BARD1: variants seen among roughly 807,000 people sequenced by gnomAD.
The protein encoded by BARD1 is BRCA1 associated RING domain 1, also known as BRCA1-associated RING domain protein 1.
A neutral mutation model predicts 77.0 loss-of-function variants in BARD1; 73 were observed. The observed-to-expected ratio is 0.95, with a 90% CI of 0.79 to 1.15. BARD1 has a LOEUF of 1.15. BARD1 is among the 50% of genes most tolerant of loss of function. The probability of loss-of-function intolerance (pLI) is 0.00; values close to 1 mark genes in which losing one functional copy is unlikely to be tolerated. For missense variants in BARD1, 993 were observed against 938.8 expected, an observed-to-expected ratio of 1.06 and a Z score of -0.75; for synonymous variants, 384 against 338.0, an observed-to-expected ratio of 1.14 and a Z score of -1.49.
chr2:214,775,174 C>A lies in BARD1; in HGVS notation c.1314+5386G>T, dbSNP rs528795101. On this transcript the variant is annotated intron_variant, in intron 4 of 10. Coordinates refer to ENST00000260947, the MANE Select transcript of BARD1 (RefSeq NM_000465.4). ...TTTTTTCTTTGCATTCACAAATTGG[C>A]TGTTTGGCAAGAGACCTAGCTTTTG... Among the ~76,000 whole-genome samples, 136 of 152,274 alleles carry A rather than the reference C, an allele frequency of 8.9e-4. 1 individual carries two copies. Among genetic ancestry groups the A allele is most frequent in the Non-Finnish European group, 1.4e-3 (97 of 68,010 alleles).
chr2:214,747,309 G>T (rs1398661025), intron 7 of BARD1, among the ~76,000 whole-genome samples: 2 of 149,734 alleles, frequency 1.3e-5, no homozygotes. Flanking sequence ...GATTCCTCAG[G>T]GATCTAGAAC....
At chr2:214,738,718 G>T (rs1559380466) in intron 9 of BARD1, among the ~76,000 whole-genome samples, 1 of 152,126 alleles carries the variant, frequency 6.6e-6, no homozygotes, top group Non-Finnish European at 1.5e-5. Context: ...ATACAATGAA[G>T]ATGGAAGAAA....
intron 4 of BARD1, among the ~76,000 whole-genome samples, chr2:214,775,516 A>C (rs536609332): frequency 3.9e-5 from 6 of 152,376 alleles, no homozygotes; most frequent in African/African-American, 1.4e-4. Flanking sequence ...TCACCGTAAC[A>C]GATACAACAA....
At chr2:214,785,444 C>T (rs1255110799) in intron 3 of BARD1, among the ~76,000 whole-genome samples, 1 of 152,010 alleles carries the variant, frequency 6.6e-6, no homozygotes, top group East Asian at 1.9e-4. Context: ...CAGCCCAGCA[C>T]AGTGGTGAGC....
chr2:214,791,718 C>T (rs1313377526), intron 3 of BARD1, among the ~76,000 whole-genome samples: 1 of 152,112 alleles, frequency 6.6e-6, no homozygotes, highest in Admixed American at 6.6e-5. Flanking sequence ...AAAAGTGATC[C>T]ATGGAAAAAT....
At chr2:214,789,755 C>T (rs1449323900) in intron 3 of BARD1, among the ~76,000 whole-genome samples, 4 of 152,076 alleles carry the variant, frequency 2.6e-5, no homozygotes, top group East Asian at 3.9e-4. Flanking sequence ...TACAGAATAA[C>T]GGGATTAAAG....
rs527987436 is a variant in BARD1 at position 214,785,441 on chromosome 2, G to T, written c.365-3932C>A. Among the ~76,000 whole-genome samples, 44 of 152,124 alleles carry T rather than the reference G, an allele frequency of 2.9e-4. 1 individual carries two copies. In the East Asian group the frequency reaches 4.8e-3, roughly 17 times the overall value. On this transcript the variant is annotated intron_variant, in intron 3 of 10. Coordinates refer to ENST00000260947, the MANE Select transcript of BARD1 (RefSeq NM_000465.4). ...GGTAAAATCAACCCAGCTCAGCCCA[G>T]CACAGTGGTGAGCACATGAATAGAC...
At chr2:214,755,977 C>T (rs1005367512) in intron 6 of BARD1, among the ~76,000 whole-genome samples, 6 of 152,136 alleles carry the variant, frequency 3.9e-5, no homozygotes, top group African/African-American at 7.2e-5. Context: ...GTACCACTTT[C>T]GACAGTCAGT....
At chr2:214,778,954 T>G (rs1198636010) in intron 4 of BARD1, among the ~76,000 whole-genome samples, 1 of 152,104 alleles carries the variant, frequency 6.6e-6, no homozygotes, top group Non-Finnish European at 1.5e-5. Flanking sequence ...GCCAGCAAAA[T>G]GAACAAAAAT....
chr2:214,741,325 A>G (rs923380936), intron 9 of BARD1, among the ~76,000 whole-genome samples: 1 of 152,186 alleles, frequency 6.6e-6, no homozygotes, highest in Admixed American at 6.5e-5. Context: ...TCATAATGAG[A>G]TAAGAAAAGA....
At chr2:214,772,915 C>G (rs1574801219) in intron 4 of BARD1, among the ~76,000 whole-genome samples, 2 of 152,178 alleles carry the variant, frequency 1.3e-5, no homozygotes, top group South Asian at 4.1e-4. Flanking sequence ...CACTTTTGGG[C>G]TCCTCACAAC....
rs151325889 is a variant in BARD1, at chr2:214,781,137, G to T, written c.737C>A (p.Pro246Gln). ...KQKLVSFCSQPSVISSPQING... is the reference protein window; with the variant it reads ...KQKLVSFCSQQSVISSPQING... The stretch of plus-strand genomic sequence containing the variant: ...TATCTGAGGACTGGAGATAACAGAT[G>T]GTTGGCTACAGAAGGATACCAGCTT... The change falls in exon 4 of 11, where the codon CCA (proline) becomes CAA (glutamine). Residue 246 changes from proline to glutamine, a missense_variant. By Grantham distance (76) the Pro-to-Gln change is moderately conservative. Transcript: ENST00000260947. 3.8e-6 allele frequency: 6 copies of T among 1,573,954 alleles called. No individual in the cohort carries two copies. In the African/African-American group the frequency reaches 5.5e-5, roughly 14 times the overall value.
In BARD1 at chr2:214,728,986, C is replaced by T. The variant is rs2105987963; in HGVS notation, c.2024G>A (p.Cys675Tyr). The T allele has an allele frequency of 6.2e-7, 1 of 1,614,120 alleles. No individual in the cohort carries two copies. Among genetic ancestry groups the T allele is most frequent in the East Asian group, 2.2e-5 (1 of 44,890 alleles). ...GAAGGTTCCCCACAAATAGAAGTAG[C>T]ATCCATCAAACAGCTTTGGCAACTG... Reference protein sequence around the residue: ...EQLLPKLFDGCYFYLWGTFKH... With the variant: ...EQLLPKLFDGYYFYLWGTFKH... The change falls in exon 11 of 11, where the codon TGC (cysteine) becomes TAC (tyrosine). Residue 675 changes from cysteine (C) to tyrosine (Y), a missense_variant. Physicochemically the swap from Cys to Tyr is radical, Grantham distance 194. Transcript: ENST00000260947.
At chr2:214,739,834 A>G (rs1692733964) in intron 9 of BARD1, among the ~76,000 whole-genome samples, 1 of 152,104 alleles carries the variant, frequency 6.6e-6, no homozygotes, top group South Asian at 2.1e-4. Flanking sequence ...CTATCAGCAT[A>G]TTTATATGTA....
In BARD1 at chr2:214,752,514, TCATCATC is replaced by T; in HGVS notation, c.1603_1609del (p.Asp535LysfsTer3). 1 of 1,613,828 alleles carries T rather than the reference TCATCATC, an allele frequency of 6.2e-7. No homozygotes were observed. The highest frequency in any genetic ancestry group is 1.3e-5 in the African/African-American group (1 of 75,016). On this transcript the variant is annotated frameshift_variant, in exon 7 of 11. Transcript: ENST00000260947. LOFTEE classifies it high-confidence loss of function. The stretch of plus-strand genomic sequence containing the variant: ...TAGCAGCAATAGCGATTTCATACTT[TCATCATC>T]TGTATAATCGACAGGCCGCAGACCA...
At chr2:214,801,841 A>G (rs1396561281) in intron 1 of BARD1, among the ~76,000 whole-genome samples, 1 of 76,158 alleles carries the variant, frequency 1.3e-5, no homozygotes, top group Non-Finnish European at 2.7e-5. Context: ...TGAAAACCAA[A>G]TATTTGGCGG....
Position 214,730,520 on chromosome 2 carries a change from A to C in BARD1, c.1904-12T>G, listed in dbSNP as rs774178253. 1.2e-6 allele frequency: 2 copies of C among 1,606,024 alleles called. No individual in the cohort carries two copies. The highest frequency in any genetic ancestry group is 1.7e-6 in the Non-Finnish European group (2 of 1,172,864). The stretch of plus-strand genomic sequence containing the variant: ...ACATGCTTTTACCCCTGACAAAAAC[A>C]CAAGAATTAAAGCAAACTAAGTATC... On this transcript the variant is annotated splice_polypyrimidine_tract_variant and intron_variant, in intron 9 of 10. Coordinates refer to ENST00000260947, the MANE Select transcript of BARD1 (RefSeq NM_000465.4).
Position 214,780,738 on chromosome 2 carries a change from T to C in BARD1, c.1136A>G (p.Lys379Arg), listed in dbSNP as rs750827325. 13 of 1,613,974 alleles carry C rather than the reference T, an allele frequency of 8.1e-6. No homozygotes were observed. In the Admixed American group the frequency reaches 1.8e-4, roughly 23 times the overall value. Reference protein sequence around the residue: ...KRKVGGTSGRKNSNMSDEFIS... With the variant: ...KRKVGGTSGRRNSNMSDEFIS... Reference sequence around the variant, plus strand: ...GAATTCATCGGACATGTTACTGTTTTTCCTCCCTGATGTACCACCAACTTT... The same window carrying C: ...GAATTCATCGGACATGTTACTGTTTCTCCTCCCTGATGTACCACCAACTTT... Residue 379 changes from lysine (K) to arginine (R), a missense_variant, in exon 4 of 11, where the codon AAA becomes AGA. Transcript: ENST00000260947.
At chr2:214,769,570 C>T (rs1317014662) in intron 4 of BARD1, among the ~76,000 whole-genome samples, 1 of 151,984 alleles carries the variant, frequency 6.6e-6, no homozygotes, top group African/African-American at 2.4e-5. Flanking sequence ...GGTGAAACCC[C>T]GTCTCTACTA....
Sources: allele counts gnomAD v4.1 joint callset (sites outside exome capture counted in the v4.1 genomes callset), GRCh38; gene constraint gnomAD v4.1.1; transcripts MANE v1.5; gene names NCBI Gene and HGNC (gene_info 2026-07-23, HGNC 2026-07-21).